The following TBC1D10A variants were observed in gnomAD, a reference collection of about 807,000 sequenced individuals.
The protein encoded by TBC1D10A is EBP50-PDX interactor of 64 kDa.
A neutral mutation model predicts 52.9 loss-of-function variants in TBC1D10A; 24 were observed. The ratio of observed to expected loss-of-function variants is 0.45; its 90% confidence interval spans 0.33 to 0.64. The LOEUF is 0.64. Among genes scored for constraint, TBC1D10A ranks in the 30% least tolerant of loss-of-function variants. TBC1D10A has a pLI of 0.02. For synonymous variants in TBC1D10A, 278 were observed against 282.9 expected (o/e 0.98, Z 0.17); for missense variants, 602 against 687.9 (o/e 0.88, Z 1.40).
intron 1 of TBC1D10A, among the ~76,000 whole-genome samples, chr22:30,323,491 C>G (rs539448340): frequency 2.6e-5 from 4 of 152,174 alleles, no homozygotes; most frequent in Admixed American, 2.0e-4. Flanking sequence ...CCTGCAGGGA[C>G]GAAAGGCCAT....
At chr22:30,313,243 G>A (rs1346963924) in intron 1 of TBC1D10A, among the ~76,000 whole-genome samples, 2 of 152,160 alleles carry the variant, frequency 1.3e-5, no homozygotes, top group Non-Finnish European at 2.9e-5. Flanking sequence ...TGCAGAGGCA[G>A]CATTTCATGA....
chr22:30,319,224 GGCT>G (rs372806984), intron 1 of TBC1D10A, among the ~76,000 whole-genome samples: 12 of 152,266 alleles, frequency 7.9e-5, no homozygotes, highest in African/African-American at 1.9e-4. Context: ...AGGTGGGGCT[GGCT>G]GCTTTTTCCT....
At chr22:30,305,997 C>T (rs546277583) in intron 1 of TBC1D10A, among the ~76,000 whole-genome samples, 65 of 152,326 alleles carry the variant, frequency 4.3e-4, no homozygotes, top group Admixed American at 1.2e-3. Context: ...GCAAGGACCA[C>T]GCCTTTACAA....
chr22:30,321,827 G>A (rs1040981240), intron 1 of TBC1D10A, among the ~76,000 whole-genome samples: 13 of 152,098 alleles, frequency 8.5e-5, no homozygotes, highest in African/African-American at 3.1e-4. Flanking sequence ...TATAAAACTT[G>A]TATCCTTCTT....
At chr22:30,304,241 C>T (rs1389920808) in intron 2 of TBC1D10A, among the ~76,000 whole-genome samples, 1 of 152,220 alleles carries the variant, frequency 6.6e-6, no homozygotes, top group Non-Finnish European at 1.5e-5. Context: ...CACTTAAGTC[C>T]TTCCCCTGGG....
intron 1 of TBC1D10A, among the ~76,000 whole-genome samples, chr22:30,304,994 G>C (rs1050928924): frequency 1.3e-5 from 2 of 152,262 alleles, no homozygotes; most frequent in Non-Finnish European, 2.9e-5. Context: ...CAGAGGGCCG[G>C]TGTACAAGGT....
In TBC1D10A at chr22:30,293,950, A is replaced by C; in HGVS notation, c.866T>G (p.Leu289Arg). 2 of 1,614,024 alleles carry C rather than the reference A, an allele frequency of 1.2e-6. No homozygotes were observed. Among genetic ancestry groups the C allele is most frequent in the South Asian group, 2.2e-5 (2 of 91,084 alleles). The change falls in exon 7 of 9, where the codon CTG becomes CGG. Residue 289 changes from leucine to arginine, a missense_variant. Physicochemically the swap from Leu to Arg is moderately radical, Grantham distance 102 (BLOSUM62 -2). Coordinates refer to ENST00000215790, the MANE Select transcript of TBC1D10A (RefSeq NM_031937.3). ...FSRTLPWSSVLRVWDMFFCEG... is the reference protein window; with the variant it reads ...FSRTLPWSSVRRVWDMFFCEG... Reference sequence around the variant, plus strand: ...ACAGAAGAACATGTCCCAGACACGCAGCACAGAGCTCCAGGGCAAGGTTCG... The same window carrying C: ...ACAGAAGAACATGTCCCAGACACGCCGCACAGAGCTCCAGGGCAAGGTTCG...
At chr22:30,322,631 G>T (rs985488423) in intron 1 of TBC1D10A, among the ~76,000 whole-genome samples, 1 of 106,710 alleles carries the variant, frequency 9.4e-6, no homozygotes, top group Admixed American at 1.5e-4. Context: ...TTTAGGCAAG[G>T]TCTCCCAGGC....
Position 30,326,771 on chromosome 22 carries a change from T to C in TBC1D10A, c.111A>G (p.Glu37=). The change falls in exon 1 of 9, where the codon GAA becomes GAG. Residue 37 remains glutamate (E), a synonymous_variant. Transcript: ENST00000215790. The part of the protein sequence containing the change: ...AQGPDAATTD[E]LSSLGSDSEA... ...CCGAGTCAGACCCGAGAGAGCTGAG[T>C]TCGTCGGTGGTTGCGGCGTCGGGGC... 2 of 1,511,556 alleles carry C rather than the reference T, an allele frequency of 1.3e-6. No homozygotes were observed. Among genetic ancestry groups the C allele is most frequent in the Non-Finnish European group, 1.8e-6 (2 of 1,126,814 alleles). The allele number at this position is 1,511,556 out of a possible 1,614,324, so 93.6% of individuals were successfully genotyped here. A position where few individuals can be genotyped will look rare whatever the true frequency, so the allele number is the denominator to read the frequency against.
chr22:30,309,260 G>A (rs1466765684), intron 1 of TBC1D10A, among the ~76,000 whole-genome samples: 2 of 150,640 alleles, frequency 1.3e-5, no homozygotes, highest in Non-Finnish European at 3.0e-5. Flanking sequence ...TTTTTGAGAC[G>A]GAGTCTTGCT....
Position 30,308,284 on chromosome 22 carries a change from A to ATGCCTGCATGCCTGCCTGCCTGCC in TBC1D10A, c.210-3655_210-3654insGGCAGGCAGGCAGGCATGCAGGCA, listed in dbSNP as rs1221085278. Among the ~76,000 whole-genome samples the ATGCCTGCATGCCTGCCTGCCTGCC allele has an allele frequency of 7.8e-3, 934 of 119,718 alleles. 14 individuals carry two copies. Among genetic ancestry groups the ATGCCTGCATGCCTGCCTGCCTGCC allele is most frequent in the African/African-American group, 0.028 (876 of 31,458 alleles). 78.5% of individuals were successfully genotyped at this position (119,718 alleles called of 152,430 possible). ...AGCCCTCAGCCTCCACACAGCCTGC[A>ATGCCTGCATGCCTGCCTGCCTGCC]TGCCTGCATGCCTGCATGCCTGCCT... On this transcript the variant is annotated intron_variant, in intron 1 of 8. Coordinates refer to ENST00000215790, the MANE Select transcript of TBC1D10A (RefSeq NM_031937.3).
chr22:30,294,901 TCCCCACCCACCC>T, intron 5 of TBC1D10A, 28 bp downstream of exon 5: 1 of 1,613,884 alleles, frequency 6.2e-7, no homozygotes, highest in East Asian at 2.2e-5. Context: ...CGTTGGGGGT[TCCCCACCCACCC>T]CCCTGCCTGC....
At chr22:30,303,153 C>A (rs2145770548) in intron 2 of TBC1D10A, among the ~76,000 whole-genome samples, 1 of 152,282 alleles carries the variant, frequency 6.6e-6, no homozygotes, top group African/African-American at 2.4e-5. Flanking sequence ...TGGTGACGTG[C>A]CTGTGGTCCC....
intron 1 of TBC1D10A, among the ~76,000 whole-genome samples, chr22:30,316,674 A>C (rs1930544225): frequency 6.6e-6 from 1 of 152,026 alleles, no homozygotes; most frequent in South Asian, 2.1e-4. Flanking sequence ...CAGGCTTCAA[A>C]ACACTTTTCA....
chr22:30,326,674 C>G lies in TBC1D10A; in HGVS notation c.208G>C (p.Ala70Pro), dbSNP rs751599241. ...GTCCCGACCCCCGGCGCTACTCACGCGCCCTCGGCGCCCTGCGAGCCCACG... is the reference window on the plus strand; with the variant it reads ...GTCCCGACCCCCGGCGCTACTCACGGGCCCTCGGCGCCCTGCGAGCCCACG... Reference protein sequence around the residue: ...FIVGSQGAEGALEEVPLEVLR... With the variant: ...FIVGSQGAEGPLEEVPLEVLR... Residue 70 changes from alanine to proline, a missense_variant and splice_region_variant, in exon 1 of 9, where the codon GCG (alanine) becomes CCG (proline). Physicochemically the swap from Ala to Pro is conservative, Grantham distance 27. This residue lies in a region of TBC1D10A where 201 missense variants were observed against 204.4 expected (regional missense o/e 0.98). Coordinates refer to ENST00000215790, the MANE Select transcript of TBC1D10A (RefSeq NM_031937.3). 28 of 1,550,282 alleles carry G rather than the reference C, an allele frequency of 1.8e-5. No homozygotes were observed. The South Asian group carries it at 3.2e-4, about 18-fold the overall frequency.
At chr22:30,308,316 ATGCCTGCATGCCTGCATGCCTGCC>A (rs1930357494) in intron 1 of TBC1D10A, among the ~76,000 whole-genome samples, 1 of 130,292 alleles carries the variant, frequency 7.7e-6, no homozygotes, top group Admixed American at 7.5e-5. Flanking sequence ...GCCTGCCTGC[ATGCCTGCATGCCTGCATGCCTGCC>A]TGCCTGCCTG....
At position 30,292,794 on chromosome 22, in the gene TBC1D10A, G is replaced by C; in HGVS notation, c.1108C>G (p.Arg370Gly). The change falls in exon 9 of 9, where the codon CGG becomes GGG. Residue 370 changes from arginine to glycine, a missense_variant. By Grantham distance (125) the Arg-to-Gly change is moderately radical. Around this residue, in one of 3 missense-constraint regions of TBC1D10A, gnomAD observed 265 missense variants for 275.1 expected, o/e 0.96. Coordinates refer to ENST00000215790, the MANE Select transcript of TBC1D10A (RefSeq NM_031937.3). ...TCACCCCGGGTCTCCTGCCAGCGCC[G>C]CAGCTGAATGAGGTGTTCGCGCTCA... The part of the protein sequence containing the change: ...QIEREHLIQL[R>G]RWQETRGELQ... 2 of 1,612,012 alleles carry C rather than the reference G, an allele frequency of 1.2e-6. No individual in the cohort carries two copies.
chr22:30,292,404 A>T lies in TBC1D10A; in HGVS notation c.1498T>A (p.Ser500Thr). The T allele has an allele frequency of 6.4e-7, 1 of 1,572,362 alleles. No homozygotes were observed. Among genetic ancestry groups the T allele is most frequent in the Non-Finnish European group, 8.6e-7 (1 of 1,158,790 alleles). ...AAGTAGGTGTCCTCACTCTCTTGGG[A>T]CGTCAAGCTCTCCTGGGAGCGGTGG... ...AHHRSQESLT[S>T]QESEDTYL is the part of the protein sequence containing the mutation. The change falls in exon 9 of 9, where the codon TCC becomes ACC. Residue 500 changes from serine to threonine, a missense_variant. This residue lies in a region of TBC1D10A where 265 missense variants were observed against 275.1 expected (regional missense o/e 0.96). Coordinates refer to ENST00000215790, the MANE Select transcript of TBC1D10A (RefSeq NM_031937.3).
intron 1 of TBC1D10A, chr22:30,307,786 T>C (rs1930339303): frequency 6.6e-6 from 1 of 152,194 alleles, no homozygotes; most frequent in Non-Finnish European, 1.5e-5. Flanking sequence ...TATAACATCA[T>C]TCTCCCCTTT....
Sources: allele counts gnomAD v4.1 joint callset (sites outside exome capture counted in the v4.1 genomes callset), GRCh38; gene constraint gnomAD v4.1.1; regional missense constraint gnomAD v4.1.1; transcripts MANE v1.5; gene names NCBI Gene and HGNC (gene_info 2026-07-23, HGNC 2026-07-21).